GRIA4: variants seen among roughly 807,000 people sequenced by gnomAD.
The protein encoded by GRIA4 is glutamate ionotropic receptor AMPA type subunit 4, also known as glutamate receptor 4.
In GRIA4, 34 loss-of-function variants were observed where a neutral mutation model predicts 104.0. The observed-to-expected ratio is 0.33, with a 90% CI of 0.25 to 0.44. GRIA4 has a LOEUF of 0.44. GRIA4 is among the 20% of genes least tolerant of loss of function. GRIA4 has a pLI of 1.00. For missense variants in GRIA4, 750 were observed against 1,096.5 expected, an observed-to-expected ratio of 0.68 and a Z score of 4.46; for synonymous variants, 386 against 381.9, an observed-to-expected ratio of 1.01 and a Z score of -0.13.
chr11:105,858,699 A>G (rs746646214), intron 4 of GRIA4, among the ~76,000 whole-genome samples: 2 of 151,968 alleles, frequency 1.3e-5, no homozygotes, highest in African/African-American at 2.4e-5. Context: ...TCATTCTACT[A>G]TCTCCAATAA....
chr11:105,730,738 T>C (rs964957052), intron 3 of GRIA4, among the ~76,000 whole-genome samples: 2 of 152,090 alleles, frequency 1.3e-5, no homozygotes, highest in African/African-American at 4.8e-5. Context: ...TCTAGAACCA[T>C]CTGATCTTTG....
intron 4 of GRIA4, among the ~76,000 whole-genome samples, chr11:105,805,030 C>G (rs1051487460): frequency 6.6e-6 from 1 of 151,924 alleles, no homozygotes; most frequent in African/African-American, 2.4e-5. Context: ...GGACTATGCC[C>G]TCTTAGACAC....
At chr11:105,730,824 T>C (rs1938538244) in intron 3 of GRIA4, among the ~76,000 whole-genome samples, 1 of 152,316 alleles carries the variant, frequency 6.6e-6, no homozygotes, top group South Asian at 2.1e-4. Context: ...TGGCTAGCCA[T>C]GTGCAGAAAA....
At chr11:105,854,668 A>G (rs1944946660) in intron 4 of GRIA4, among the ~76,000 whole-genome samples, 2 of 152,116 alleles carry the variant, frequency 1.3e-5, no homozygotes, top group African/African-American at 4.8e-5. Flanking sequence ...TTTTTGATAT[A>G]TTTTGAAGGT....
chr11:105,773,512 T>G (rs1941309579), intron 4 of GRIA4, among the ~76,000 whole-genome samples: 1 of 152,284 alleles, frequency 6.6e-6, no homozygotes, highest in South Asian at 2.1e-4. Flanking sequence ...ATATTACCCT[T>G]GGTTTATACA....
chr11:105,795,874 T>A (rs555383526), intron 4 of GRIA4, among the ~76,000 whole-genome samples: 2 of 152,272 alleles, frequency 1.3e-5, no homozygotes, highest in East Asian at 3.9e-4. Flanking sequence ...TACAATACAT[T>A]TATGCTTCTT....
At chr11:105,872,668 C>A (rs1465644643) in intron 5 of GRIA4, among the ~76,000 whole-genome samples, 1 of 151,992 alleles carries the variant, frequency 6.6e-6, no homozygotes, top group Non-Finnish European at 1.5e-5. Context: ...CTTTATAATT[C>A]AAGAATAGAT....
intron 14 of GRIA4, among the ~76,000 whole-genome samples, chr11:105,968,497 T>C (rs1858511668): frequency 6.6e-6 from 1 of 152,192 alleles, no homozygotes; most frequent in Admixed American, 6.5e-5. Context: ...ACAGCCACTC[T>C]CAGTGCTGTG....
chr11:105,935,624 T>C (rs1301436755), intron 14 of GRIA4, among the ~76,000 whole-genome samples: 1 of 152,156 alleles, frequency 6.6e-6, no homozygotes, highest in Non-Finnish European at 1.5e-5. Flanking sequence ...GATATGTAGA[T>C]CAGTGTTCAG....
At chr11:105,741,716 T>G (rs1939320969) in intron 3 of GRIA4, among the ~76,000 whole-genome samples, 1 of 152,152 alleles carries the variant, frequency 6.6e-6, no homozygotes, top group African/African-American at 2.4e-5. Flanking sequence ...CAATTCACAT[T>G]TTGAGGTCTG....
chr11:105,676,845 C>A (rs1364699285), intron 3 of GRIA4, among the ~76,000 whole-genome samples: 1 of 151,654 alleles, frequency 6.6e-6, no homozygotes, highest in Non-Finnish European at 1.5e-5. Context: ...CTGAATTCAA[C>A]AATATTTATT....
At chr11:105,904,309 G>A (rs2136145858) in intron 8 of GRIA4, among the ~76,000 whole-genome samples, 1 of 152,274 alleles carries the variant, frequency 6.6e-6, no homozygotes, top group Non-Finnish European at 1.5e-5. Flanking sequence ...AATCACTCGA[G>A]GACGTAGGCT....
chr11:105,722,031 A>G (rs1937857931), intron 3 of GRIA4, among the ~76,000 whole-genome samples: 1 of 152,194 alleles, frequency 6.6e-6, no homozygotes, highest in African/African-American at 2.4e-5. Flanking sequence ...GCTATTCTTG[A>G]TATCTTAAAA....
intron 4 of GRIA4, among the ~76,000 whole-genome samples, chr11:105,815,587 C>G (rs958937501): frequency 6.6e-6 from 1 of 152,004 alleles, no homozygotes; most frequent in Non-Finnish European, 1.5e-5. Flanking sequence ...GTTGATGCCG[C>G]TCCAGCTGTT....
intron 3 of GRIA4, among the ~76,000 whole-genome samples, chr11:105,698,408 T>A (rs1355070761): frequency 6.6e-6 from 1 of 152,134 alleles, no homozygotes; most frequent in Non-Finnish European, 1.5e-5. Flanking sequence ...CATAGGAAAG[T>A]ATCAAATTAA....
chr11:105,615,534 C>T (rs1313926458), intron 3 of GRIA4, among the ~76,000 whole-genome samples: 1 of 151,612 alleles, frequency 6.6e-6, no homozygotes, highest in Non-Finnish European at 1.5e-5. Context: ...TGTAATAGCC[C>T]TTGTAGTCAA....
intron 4 of GRIA4, among the ~76,000 whole-genome samples, chr11:105,787,472 C>CTTTTTTTTTTTTTTTTTTTTTTTTTTTTT (rs67901321): frequency 1.0e-5 from 1 of 98,622 alleles, no homozygotes; most frequent in African/African-American, 4.0e-5. Context: ...TAAAGAATTC[C>CTTTTTTTTTTTTTTTTTTTTTTTTTTTTT]TTTTTTTTTT....
intron 3 of GRIA4, among the ~76,000 whole-genome samples, chr11:105,669,267 C>T (rs1952282787): frequency 6.6e-6 from 1 of 151,938 alleles, no homozygotes; most frequent in South Asian, 2.1e-4. Context: ...ACCAGTCTCT[C>T]TCAACTTTAA....
At chr11:105,698,958 T>A (rs1312854779) in intron 3 of GRIA4, among the ~76,000 whole-genome samples, 1 of 152,206 alleles carries the variant, frequency 6.6e-6, no homozygotes, top group Non-Finnish European at 1.5e-5. Flanking sequence ...ACAAAAGAGC[T>A]ACCCAATTGC....
Sources: allele counts gnomAD v4.1 joint callset (sites outside exome capture counted in the v4.1 genomes callset), GRCh38; gene constraint gnomAD v4.1.1; transcripts MANE v1.5; gene names NCBI Gene and HGNC (gene_info 2026-07-23, HGNC 2026-07-21).